Variants in MUC5AC observed in about 807,000 individuals in gnomAD.
MUC5AC encodes mucin-5AC.
In MUC5AC, 158 loss-of-function variants were observed where a neutral mutation model predicts 169.7. The ratio of observed to expected loss-of-function variants is 0.93; its 90% CI spans 0.82 to 1.06. The LOEUF is 1.06. Ranked by LOEUF, MUC5AC falls within the 50% of genes least tolerant of loss-of-function variation. MUC5AC has a pLI of 0.00. For synonymous variants in MUC5AC, 1,975 were observed against 1,237.0 expected, an observed-to-expected ratio of 1.60 and a Z score of -12.52; for missense variants, 4,359 against 3,089.9, an observed-to-expected ratio of 1.41 and a Z score of -9.74.
chr11:1,191,639 C>T lies in MUC5AC; in HGVS notation c.13494C>T (p.Thr4498=), dbSNP rs796069032. The change falls in exon 31 of 49, where the codon ACC becomes ACT. Residue 4498 remains threonine (T), a synonymous_variant. Coordinates refer to ENST00000621226, the MANE Select transcript of MUC5AC (RefSeq NM_001304359.2). ...CCTCTGCTCCTACAACCAGCACAAC[C>T]TCTGCCTCTACAGCCAGCACAACCT... ...STTSAPTTST[T]SASTASTTSG... 1.8e-6 allele frequency: 1 copy of T among 541,236 alleles called. No individual in the cohort carries two copies. Among genetic ancestry groups the T allele is most frequent in the Non-Finnish European group, 3.5e-6 (1 of 285,576 alleles). The allele number at this position is 541,236 out of a possible 1,614,324, so 33.5% of individuals were successfully genotyped here. A position where few individuals can be genotyped will look rare whatever the true frequency, so the allele number is the denominator to read the frequency against.
Position 1,195,067 on chromosome 11 carries a change from C to G in MUC5AC, c.15246C>G (p.Val5082=), listed in dbSNP as rs753600793. 2 of 755,344 alleles carry G rather than the reference C, an allele frequency of 2.6e-6. No homozygotes were observed. Among genetic ancestry groups the G allele is most frequent in the Non-Finnish European group, 4.8e-6 (2 of 413,636 alleles). The allele number at this position is 755,344 out of a possible 1,614,324, so 46.8% of individuals were successfully genotyped here. The change falls in exon 36 of 49, where the codon GTC becomes GTG. Residue 5082 remains valine, a synonymous_variant. Coordinates refer to ENST00000621226, the MANE Select transcript of MUC5AC (RefSeq NM_001304359.2). ...GCCGCACGCCTAGGGGGACGGTGGT[C>G]GCTTCCTGCTCCGAGATGTCCGGCC... ...DECRTPRGTV[V]ASCSEMSGLW... is the part of the protein sequence containing the mutation.
At position 1,174,606 on chromosome 11, in the gene MUC5AC, G is replaced by A. The variant is rs2133741216; in HGVS notation, c.2076G>A (p.Trp692Ter). The change falls in exon 17 of 49, where the codon TGG (tryptophan) becomes TGA (stop). Residue 692 changes from tryptophan (W) to a stop codon, truncating the protein, a stop_gained. Transcript: ENST00000621226. LOFTEE classifies it high-confidence loss of function. ...CCAAGGGCGTGCAGCTCGGCGGCTGGAGGGACGGCGTCTGCAGTGAGTGCC... is the reference window on the plus strand; with the variant it reads ...CCAAGGGCGTGCAGCTCGGCGGCTGAAGGGACGGCGTCTGCAGTGAGTGCC... ...CAAKGVQLGG[W>*]RDGVCTKPMT... is the part of the protein sequence containing the mutation. 3 of 1,323,462 alleles carry A rather than the reference G, an allele frequency of 2.3e-6. No homozygotes were observed. The highest frequency in any genetic ancestry group is 3.1e-6 in the Non-Finnish European group (3 of 955,358). The allele number at this position is 1,323,462 out of a possible 1,614,324, so 82.0% of individuals were successfully genotyped here.
Position 1,185,007 on chromosome 11 carries a change from C to T in MUC5AC, c.6862C>T (p.Pro2288Ser), listed in dbSNP as rs1436166801. The T allele has an allele frequency of 1.0e-5, 7 of 685,990 alleles. No homozygotes were observed. The highest frequency in any genetic ancestry group is 1.3e-5 in the Non-Finnish European group (5 of 376,014). 42.5% of individuals were successfully genotyped at this position (685,990 alleles called of 1,614,324 possible). A position where few individuals can be genotyped will look rare whatever the true frequency, so the allele number is the denominator to read the frequency against. ...TCCTACAGCCAGAACAACCTCTGCT[C>T]CTACAACCAGAACAACCTCTGCCTC... Reference protein sequence around the residue: ...SAPTARTTSAPTTRTTSASPA... With the variant: ...SAPTARTTSASTTRTTSASPA... The change falls in exon 31 of 49, where the codon CCT becomes TCT. Residue 2288 changes from proline to serine, a missense_variant. Pro to Ser is a moderately conservative substitution (Grantham distance 74). Transcript: ENST00000621226.
Position 1,186,686 on chromosome 11 carries a change from C to A in MUC5AC, c.8541C>A (p.Ala2847=), listed in dbSNP as rs1310228272. Residue 2847 remains alanine, a synonymous_variant, in exon 31 of 49, where the codon GCC becomes GCA. Transcript: ENST00000621226. ...TTCCCACCACCAGCACAACCTCTGC[C>A]CCTACAACCAGCACAACCTCTGCCC... The part of the protein sequence containing the change: ...SPVPTTSTTS[A]PTTSTTSAPT... 2 of 724,860 alleles carry A rather than the reference C, an allele frequency of 2.8e-6. No individual in the cohort carries two copies. The highest frequency in any genetic ancestry group is 5.0e-6 in the Non-Finnish European group (2 of 399,082). The allele number at this position is 724,860 out of a possible 1,614,324, so 44.9% of individuals were successfully genotyped here. A position where few individuals can be genotyped will look rare whatever the true frequency, so the allele number is the denominator to read the frequency against.
At chr11:1,174,754 T>G in intron 17 of MUC5AC, 128 bp from the exon 18 acceptor site, 1 of 487,348 alleles carries the variant, frequency 2.1e-6, no homozygotes, top group Non-Finnish European at 3.6e-6. Flanking sequence ...AGCGCCCAGG[T>G]CAGTGTGGCC....
intron 1 of MUC5AC, among the ~76,000 whole-genome samples, chr11:1,160,231 G>C (rs1004864009): frequency 6.6e-6 from 1 of 152,134 alleles, no homozygotes; most frequent in African/African-American, 2.4e-5. Context: ...GCCTTTGACT[G>C]CTCCAGCCCC....
At chr11:1,180,782 G>A (rs1208902653) in intron 28 of MUC5AC, among the ~76,000 whole-genome samples, 1 of 152,118 alleles carries the variant, frequency 6.6e-6, no homozygotes, top group Non-Finnish European at 1.5e-5. Flanking sequence ...CAGGCTCGAG[G>A]GGCTCAGGGG....
chr11:1,177,291 CCCTGCGGCACCACAGGGACCA>C lies in MUC5AC; in HGVS notation c.2860_2880del (p.Gly954_Cys960del). ...CTTTCGTGTTGTCACCGAGAACGTC[CCCTGCGGCACCACAGGGACCA>C]CCTGCTCCAAGGCCATCAAGATTTT... On this transcript the variant is annotated inframe_deletion, in exon 23 of 49. Transcript: ENST00000621226. The C allele has an allele frequency of 6.6e-6, 3 of 455,558 alleles. No homozygotes were observed. The highest frequency in any genetic ancestry group is 1.2e-5 in the Non-Finnish European group (3 of 255,986). The allele number at this position is 455,558 out of a possible 1,614,324, so 28.2% of individuals were successfully genotyped here.
chr11:1,196,958 G>A (rs1861293381), intron 40 of MUC5AC, 50 bp downstream of exon 40: 2 of 744,596 alleles, frequency 2.7e-6, no homozygotes, highest in South Asian at 2.8e-5. Flanking sequence ...AGAGCCCGAG[G>A]AGGGAGGCTC....
At chr11:1,164,369 G>T (rs1590134423) in intron 8 of MUC5AC, 38 bp from the exon 9 acceptor site, 1 of 1,611,798 alleles carries the variant, frequency 6.2e-7, no homozygotes, top group East Asian at 2.2e-5. Context: ...GGGAGGGCAG[G>T]GGCAGGCAGA....
intron 3 of MUC5AC, 76 bp downstream of exon 3, chr11:1,161,662 G>A (rs966718977): frequency 3.5e-5 from 52 of 1,488,428 alleles, no homozygotes; most frequent in South Asian, 1.4e-4. Flanking sequence ...TGGAGGTGCC[G>A]GGTGGAGAGG....
In MUC5AC at chr11:1,180,346, GC is replaced by G; in HGVS notation, c.3614-5del. 2.5e-6 allele frequency: 1 copy of G among 398,738 alleles called. No homozygotes were observed. Among genetic ancestry groups the G allele is most frequent in the Non-Finnish European group, 4.4e-6 (1 of 226,128 alleles). 24.7% of individuals were successfully genotyped at this position (398,738 alleles called of 1,614,324 possible). A position where few individuals can be genotyped will look rare whatever the true frequency, so the allele number is the denominator to read the frequency against. On this transcript the variant is annotated splice_region_variant and splice_polypyrimidine_tract_variant and intron_variant, in intron 27 of 48. Coordinates refer to ENST00000621226, the MANE Select transcript of MUC5AC (RefSeq NM_001304359.2). ...TCTGGTTGTGACTCTGGCCTCTTTGGCCCACAGGCTGCTACCCCAAGTGCCC... is the reference window on the plus strand; with the variant it reads ...TCTGGTTGTGACTCTGGCCTCTTTGGCCACAGGCTGCTACCCCAAGTGCCC...
rs1347128396 is a variant in MUC5AC at position 1,178,482 on chromosome 11, C to T, written c.3126C>T (p.Ile1042=). 4.1e-6 allele frequency: 4 copies of T among 967,428 alleles called. No homozygotes were observed. The highest frequency in any genetic ancestry group is 1.7e-5 in the African/African-American group (1 of 58,340). The allele number at this position is 967,428 out of a possible 1,614,324, so 59.9% of individuals were successfully genotyped here. The change falls in exon 25 of 49, where the codon ATC becomes ATT. Residue 1042 remains isoleucine (I), a synonymous_variant. Transcript: ENST00000621226. ...GCCTGTGTGGGAACTTCGACGACAT[C>T]GCCGTTAATGACTTTGCCACGCGGA... The part of the protein sequence containing the change: ...VCGLCGNFDD[I]AVNDFATRSR...
At position 1,189,139 on chromosome 11, in the gene MUC5AC, C is replaced by A; in HGVS notation, c.10994C>A (p.Thr3665Asn). The stretch of plus-strand genomic sequence containing the variant: ...ACCACTTTGGTGACAAGCAGCATAA[C>A]CTCCACTACACAGACCAGCACAACC... ...RTTTLVTSSI[T>N]STTQTSTTSA... Residue 3665 changes from threonine to asparagine, a missense_variant, in exon 31 of 49, where the codon ACC becomes AAC. Coordinates refer to ENST00000621226, the MANE Select transcript of MUC5AC (RefSeq NM_001304359.2). The A allele has an allele frequency of 3.3e-6, 2 of 603,356 alleles. No individual in the cohort carries two copies. Among genetic ancestry groups the A allele is most frequent in the South Asian group, 4.0e-5 (2 of 49,696 alleles). The allele number at this position is 603,356 out of a possible 1,614,324, so 37.4% of individuals were successfully genotyped here.
chr11:1,188,040 C>T lies in MUC5AC; in HGVS notation c.9895C>T (p.Arg3299Trp), dbSNP rs1554928451. 3.5e-4 allele frequency: 267 copies of T among 755,472 alleles called. No homozygotes were observed. In the East Asian group the frequency reaches 4.4e-3, roughly 12 times the overall value. The allele number at this position is 755,472 out of a possible 1,614,324, so 46.8% of individuals were successfully genotyped here. ...QCSREEGLVC[R>W]NQDQQGPFKM... ...CAGCCGTGAAGAGGGCCTGGTGTGCCGGAACCAGGACCAGCAGGGACCCTT... is the reference window on the plus strand; with the variant it reads ...CAGCCGTGAAGAGGGCCTGGTGTGCTGGAACCAGGACCAGCAGGGACCCTT... The change falls in exon 31 of 49, where the codon CGG becomes TGG. Residue 3299 changes from arginine (R) to tryptophan (W), a missense_variant. Coordinates refer to ENST00000621226, the MANE Select transcript of MUC5AC (RefSeq NM_001304359.2).
At position 1,187,716 on chromosome 11, in the gene MUC5AC, G is replaced by A. The variant is rs1554928339; in HGVS notation, c.9571G>A (p.Val3191Ile). Residue 3191 changes from valine (V) to isoleucine (I), a missense_variant, in exon 31 of 49, where the codon GTT becomes ATT. Coordinates refer to ENST00000621226, the MANE Select transcript of MUC5AC (RefSeq NM_001304359.2). ...TPGPGTTPSP[V>I]PTTSTASVSK... Reference sequence around the variant, plus strand: ...TGGTCCTGGAACCACTCCCAGCCCCGTTCCCACCACCAGCACAGCCTCTGT... The same window carrying A: ...TGGTCCTGGAACCACTCCCAGCCCCATTCCCACCACCAGCACAGCCTCTGT... 114 of 764,884 alleles carry A rather than the reference G, an allele frequency of 1.5e-4. 4 individuals are homozygous for A. Among genetic ancestry groups the A allele is most frequent in the South Asian group, 1.3e-3 (94 of 74,600 alleles). The allele number at this position is 764,884 out of a possible 1,614,324, so 47.4% of individuals were successfully genotyped here.
At chr11:1,199,267 G>A (rs1478530310) in intron 45 of MUC5AC, 82 bp downstream of exon 45, 26 of 702,670 alleles carry the variant, frequency 3.7e-5, no homozygotes, top group South Asian at 5.9e-5. Flanking sequence ...CCAGGCATGC[G>A]TCTGGCAGAG....
In MUC5AC at chr11:1,184,833, C is replaced by T; in HGVS notation, c.6688C>T (p.Pro2230Ser). 1 of 639,208 alleles carries T rather than the reference C, an allele frequency of 1.6e-6. No individual in the cohort carries two copies. Among genetic ancestry groups the T allele is most frequent in the Non-Finnish European group, 2.8e-6 (1 of 357,216 alleles). 39.6% of individuals were successfully genotyped at this position (639,208 alleles called of 1,614,324 possible). A position where few individuals can be genotyped will look rare whatever the true frequency, so the allele number is the denominator to read the frequency against. ...CGTGACCTCCACACCTGTGACAGCT[C>T]CTAGCACCCCTAGTGGGAGAGCCAC... ...CPVTSTPVTA[P>S]STPSGRATSP... Residue 2230 changes from proline (P) to serine (S), a missense_variant, in exon 31 of 49, where the codon CCT (proline) becomes TCT (serine). Physicochemically the swap from Pro to Ser is moderately conservative, Grantham distance 74. Coordinates refer to ENST00000621226, the MANE Select transcript of MUC5AC (RefSeq NM_001304359.2).
chr11:1,162,897 C>A lies in MUC5AC; in HGVS notation c.589-58C>A, dbSNP rs1213508682. 7.3e-6 allele frequency: 11 copies of A among 1,515,094 alleles called. No individual in the cohort carries two copies. The East Asian group carries it at 1.8e-4, about 25-fold the overall frequency. The allele number at this position is 1,515,094 out of a possible 1,614,324, so 93.9% of individuals were successfully genotyped here. A position where few individuals can be genotyped will look rare whatever the true frequency, so the allele number is the denominator to read the frequency against. Reference sequence around the variant, plus strand: ...CCTCCTCGGAAATCTCAGGCTCGAGCCTCATCTGTCCATCTGCCCCTGGTG... The same window carrying A: ...CCTCCTCGGAAATCTCAGGCTCGAGACTCATCTGTCCATCTGCCCCTGGTG... On this transcript the variant is annotated intron_variant, in intron 5 of 48. Coordinates refer to ENST00000621226, the MANE Select transcript of MUC5AC (RefSeq NM_001304359.2).
Sources: gnomAD v4.1 joint callset for allele counts (sites outside exome capture counted in the v4.1 genomes callset) on GRCh38, gnomAD v4.1.1 for gene constraint, MANE v1.5 for transcripts, NCBI Gene and HGNC (gene_info 2026-07-23, HGNC 2026-07-21) for gene names.